DCBLD1: variants seen among roughly 807,000 people sequenced by gnomAD.
The protein encoded by DCBLD1 is discoidin, CUB and LCCL domain-containing protein 1.
A neutral mutation model predicts 71.5 loss-of-function variants in DCBLD1; 57 were observed. The observed-to-expected ratio is 0.80, with a 90% confidence interval of 0.64 to 0.99. The LOEUF (loss-of-function observed/expected upper bound fraction) is 0.99, where lower values mean the gene tolerates loss of function less well. Among genes scored for constraint, DCBLD1 ranks in the 50% least tolerant of loss-of-function variants. The pLI is 0.00. For synonymous variants in DCBLD1, 380 were observed against 363.8 expected (o/e 1.04, Z -0.51); for missense variants, 891 against 923.5 (o/e 0.96, Z 0.46).
At chr6:117,538,427 GT>G (rs1778972677) in intron 7 of DCBLD1, among the ~76,000 whole-genome samples, 192 bp from the exon 8 acceptor site, 1 of 152,142 alleles carries the variant, frequency 6.6e-6, no homozygotes, top group African/African-American at 2.4e-5. Flanking sequence ...AGCAATAACA[GT>G]TTCAAGGCAT....
chr6:117,567,777 A>T (rs979488139), intron 14 of DCBLD1, among the ~76,000 whole-genome samples: 2 of 152,124 alleles, frequency 1.3e-5, no homozygotes, highest in Non-Finnish European at 2.9e-5. Flanking sequence ...TCCCTACATA[A>T]TGAACAAGAA....
At chr6:117,544,749 T>C (rs557015616) in intron 13 of DCBLD1, among the ~76,000 whole-genome samples, 172 bp downstream of exon 13, 138 of 152,220 alleles carry the variant, frequency 9.1e-4, no homozygotes, top group African/African-American at 3.2e-3. Context: ...GTTCTGTCTC[T>C]TTATTTTAAT....
In DCBLD1 at chr6:117,499,240, C is replaced by CAAAAAAAAAAAA. The variant is rs71012362; in HGVS notation, c.113-4521_113-4510dup. ...GACATAGTGTGGCCCCCATCTCTAC[C>CAAAAAAAAAAAA]AAAAAAAAAAAAAAAAATCTGCCAG... On this transcript the variant is annotated intron_variant, in intron 1 of 14. Transcript: ENST00000338728. 5.3e-4 allele frequency among the ~76,000 whole-genome samples: 58 copies of CAAAAAAAAAAAA among 108,712 alleles called. 2 individuals are homozygous for CAAAAAAAAAAAA. Among genetic ancestry groups the CAAAAAAAAAAAA allele is most frequent in the African/African-American group, 2.3e-3 (53 of 23,054 alleles). The allele number at this position is 108,712 out of a possible 152,430, so 71.3% of individuals were successfully genotyped here.
chr6:117,541,439 G>T (rs372377273), intron 11 of DCBLD1, among the ~76,000 whole-genome samples: 30 of 152,078 alleles, frequency 2.0e-4, no homozygotes, highest in African/African-American at 7.0e-4. Context: ...GCAAAAAGGA[G>T]AAACAAAGAA....
At chr6:117,489,743 G>A (rs1777220668) in intron 1 of DCBLD1, among the ~76,000 whole-genome samples, 1 of 152,158 alleles carries the variant, frequency 6.6e-6, no homozygotes, top group Admixed American at 6.5e-5. Context: ...AAATTAGCCG[G>A]GCGTGGTGGC....
intron 1 of DCBLD1, among the ~76,000 whole-genome samples, chr6:117,488,674 A>G (rs916606304): frequency 6.6e-6 from 1 of 152,218 alleles, no homozygotes; most frequent in Admixed American, 6.5e-5. Flanking sequence ...TCAACTCTGA[A>G]AAGAACCGGG....
At chr6:117,543,473 A>G (rs1488970928) in intron 12 of DCBLD1, among the ~76,000 whole-genome samples, 1 of 152,156 alleles carries the variant, frequency 6.6e-6, no homozygotes, top group Non-Finnish European at 1.5e-5. Context: ...CCTGGGCTCA[A>G]GCAAACCCCC....
At chr6:117,507,700 G>C (rs905576045) in intron 2 of DCBLD1, among the ~76,000 whole-genome samples, 3 of 152,130 alleles carry the variant, frequency 2.0e-5, no homozygotes, top group Non-Finnish European at 4.4e-5. Context: ...GCAGTTACTT[G>C]TCCTGACTTC....
intron 1 of DCBLD1, among the ~76,000 whole-genome samples, chr6:117,488,880 C>T (rs1447534148): frequency 6.6e-6 from 1 of 151,848 alleles, no homozygotes; most frequent in Non-Finnish European, 1.5e-5. Context: ...GTGACATCAG[C>T]ACTGTGTTAA....
chr6:117,569,799 T>A (rs1238896902), exon 15 of DCBLD1: 3 of 1,429,368 alleles, frequency 2.1e-6, no homozygotes, highest in Non-Finnish European at 1.9e-6. Context: ...CCGATTAATC[T>A]AGAGATAAAA....
chr6:117,563,317 C>T (rs146035577), intron 14 of DCBLD1: 120 of 1,612,776 alleles, frequency 7.4e-5, no homozygotes, highest in Admixed American at 3.3e-5. Flanking sequence ...CGTCATCTAG[C>T]GGAGTTTCAC....
intron 12 of DCBLD1, chr6:117,544,242 G>A (rs1178996800): frequency 1.7e-5 from 5 of 301,196 alleles, no homozygotes; most frequent in African/African-American, 8.7e-5. Context: ...CAGGATGACT[G>A]CATGAGCTAG....
intron 6 of DCBLD1, among the ~76,000 whole-genome samples, chr6:117,536,614 GGTTGCTACA>G (rs767422766): frequency 2.0e-5 from 3 of 152,210 alleles, no homozygotes; most frequent in Non-Finnish European, 4.4e-5. Context: ...ACTTGGTGCT[GGTTGCTACA>G]GTAGGTAGGA....
chr6:117,519,763 C>A, intron 2 of DCBLD1, 53 bp from the exon 3 acceptor site: 1 of 1,580,908 alleles, frequency 6.3e-7, no homozygotes, highest in South Asian at 1.1e-5. Flanking sequence ...ATATACCAGT[C>A]ATTTGTGCTG....
chr6:117,546,164 A>G (rs950356218), intron 14 of DCBLD1, among the ~76,000 whole-genome samples: 28 of 152,250 alleles, frequency 1.8e-4, no homozygotes, highest in African/African-American at 6.8e-4. Context: ...CAAAATACAA[A>G]GCTCTAATTT....
chr6:117,528,135 C>G (rs1778601847), intron 5 of DCBLD1, among the ~76,000 whole-genome samples: 1 of 152,144 alleles, frequency 6.6e-6, no homozygotes, highest in Non-Finnish European at 1.5e-5. Flanking sequence ...AACTGGGCCT[C>G]TTGTACACAC....
rs746153916 is a variant in DCBLD1 at position 117,549,785 on chromosome 6, A to G, written c.*1346A>G. 4.8e-4 allele frequency: 475 copies of G among 985,424 alleles called. 1 individual carries two copies. Among genetic ancestry groups the G allele is most frequent in the East Asian group, 2.6e-3 (23 of 8,816 alleles). The allele number at this position is 985,424 out of a possible 1,614,324, so 61.0% of individuals were successfully genotyped here. ...ATGCGCACACTAATTGTAATAAACT[A>G]TGCCAAACCAAACTGCCCCTGACTC... On this transcript the variant is annotated 3_prime_UTR_variant, in exon 15 of 15. Transcript: ENST00000338728.
chr6:117,542,892 C>T (rs550312454), intron 11 of DCBLD1, among the ~76,000 whole-genome samples: 1 of 152,250 alleles, frequency 6.6e-6, no homozygotes, highest in South Asian at 2.1e-4. Context: ...CCCTGAGGAA[C>T]ATTGGAAACT....
intron 14 of DCBLD1, chr6:117,563,281 G>T (rs1779623775): frequency 4.3e-6 from 7 of 1,612,812 alleles, no homozygotes; most frequent in Non-Finnish European, 5.9e-6. Flanking sequence ...GATACAGAGT[G>T]TGCAGATCAT....
Sources: allele counts gnomAD v4.1 joint callset (sites outside exome capture counted in the v4.1 genomes callset), GRCh38; gene constraint gnomAD v4.1.1; transcripts MANE v1.5; gene names NCBI Gene and HGNC (gene_info 2026-07-23, HGNC 2026-07-21).